Variants in PGM5 observed in about 807,000 individuals in gnomAD.
PGM5 encodes the protein phosphoglucomutase 5.
Under a neutral mutation model 59.2 loss-of-function variants are expected in PGM5, and 23 were observed. That is an observed-to-expected ratio of 0.39 (90% CI 0.28 to 0.55). The LOEUF (loss-of-function observed/expected upper bound fraction) is 0.55, where lower values mean the gene tolerates loss of function less well. Among genes scored for constraint, PGM5 ranks in the 20% least tolerant of loss-of-function variants. The probability of loss-of-function intolerance (pLI) is 0.66; values close to 1 mark genes in which losing one functional copy is unlikely to be tolerated. For missense variants in PGM5, 574 were observed against 748.3 expected (o/e 0.77, Z 2.72); for synonymous variants, 214 against 286.0 (o/e 0.75, Z 2.54).
chr9:68,486,227 T>G (rs1339564198), intron 9 of PGM5, among the ~76,000 whole-genome samples: 1 of 152,236 alleles, frequency 6.6e-6, no homozygotes, highest in African/African-American at 2.4e-5. Flanking sequence ...ATAATTTGTT[T>G]TTTTTCATGG....
intron 6 of PGM5, chr9:68,396,419 G>A (rs1822504126): frequency 6.6e-6 from 1 of 152,142 alleles, no homozygotes; most frequent in South Asian, 2.1e-4. Context: ...TCCAAACCAT[G>A]GCTAGGGGAG....
At chr9:68,488,657 G>A (rs191737831) in intron 9 of PGM5, among the ~76,000 whole-genome samples, 75 of 152,220 alleles carry the variant, frequency 4.9e-4, no homozygotes, top group Middle Eastern at 3.4e-3. Flanking sequence ...GTGTGACCTC[G>A]GATGCCAAGA....
intron 6 of PGM5, among the ~76,000 whole-genome samples, chr9:68,447,302 G>A (rs1443289194): frequency 6.6e-6 from 1 of 152,152 alleles, no homozygotes; most frequent in African/African-American, 2.4e-5. Context: ...ACTTGTACTT[G>A]CCTCCCTGTT....
intron 4 of PGM5, among the ~76,000 whole-genome samples, 179 bp from the exon 5 acceptor site, chr9:68,391,355 G>A (rs1456010135): frequency 6.6e-6 from 1 of 151,894 alleles, no homozygotes; most frequent in East Asian, 1.9e-4. Flanking sequence ...CTGGCACATA[G>A]TAGATGCTCA....
chr9:68,383,160 A>G (rs1554678490), intron 2 of PGM5, among the ~76,000 whole-genome samples: 1 of 151,812 alleles, frequency 6.6e-6, no homozygotes, highest in African/African-American at 2.4e-5. Flanking sequence ...CACTTACTAG[A>G]ATAGGACTAT....
At chr9:68,383,385 A>C (rs1234855401) in intron 2 of PGM5, among the ~76,000 whole-genome samples, 8 of 151,796 alleles carry the variant, frequency 5.3e-5, no homozygotes, top group African/African-American at 1.9e-4. Context: ...CAATATAAAA[A>C]TTATTAATGC....
At chr9:68,459,378 C>T (rs782158636) in intron 6 of PGM5, among the ~76,000 whole-genome samples, 13 of 152,198 alleles carry the variant, frequency 8.5e-5, no homozygotes, top group Non-Finnish European at 4.4e-5. Context: ...CCTCCTGAGA[C>T]GTAACCACTA....
intron 6 of PGM5, among the ~76,000 whole-genome samples, chr9:68,432,480 C>T (rs996774939): frequency 9.2e-5 from 14 of 151,566 alleles, no homozygotes; most frequent in African/African-American, 1.9e-4. Flanking sequence ...AGATTACAGG[C>T]GTGAGCCATT....
chr9:68,412,065 A>G (rs1270154123), intron 6 of PGM5, among the ~76,000 whole-genome samples: 2 of 149,248 alleles, frequency 1.3e-5, no homozygotes, highest in Non-Finnish European at 3.0e-5. Context: ...CAGGCTCTCT[A>G]ACACCATACA....
intron 6 of PGM5, among the ~76,000 whole-genome samples, chr9:68,462,528 G>A (rs934358298): frequency 2.0e-5 from 3 of 152,036 alleles, no homozygotes; most frequent in Non-Finnish European, 4.4e-5. Context: ...AAAAGTATCC[G>A]GTCCTTTAAA....
chr9:68,458,976 G>C (rs1301450667), intron 6 of PGM5, among the ~76,000 whole-genome samples: 1 of 152,168 alleles, frequency 6.6e-6, no homozygotes, highest in African/African-American at 2.4e-5. Context: ...AGCCAGCAGT[G>C]CTAGACATCA....
chr9:68,529,939 A>G lies in PGM5; in HGVS notation c.*283A>G. On this transcript the variant is annotated 3_prime_UTR_variant, in exon 11 of 11. Transcript: ENST00000396396. ...AAAGGAACCTCCCCTTTTGACAACA[A>G]CTGGGCTAGGCAGCTGTTAATCACA... 3.6e-6 allele frequency: 1 copy of G among 278,334 alleles called. No homozygotes were observed. Among genetic ancestry groups the G allele is most frequent in the South Asian group, 4.9e-5 (1 of 20,506 alleles). 17.2% of individuals were successfully genotyped at this position (278,334 alleles called of 1,614,324 possible).
chr9:68,406,547 T>A (rs2132034309), intron 6 of PGM5: 1 of 149,882 alleles, frequency 6.7e-6, no homozygotes, highest in East Asian at 2.0e-4. Context: ...AATCCCTTCT[T>A]AAAGCCCCCA....
chr9:68,441,022 A>C (rs1425970005), intron 6 of PGM5, among the ~76,000 whole-genome samples: 4 of 152,142 alleles, frequency 2.6e-5, no homozygotes, highest in African/African-American at 9.6e-5. Flanking sequence ...AGGACACTAC[A>C]GACAACTCTT....
chr9:68,434,332 A>AG (rs1823409342), intron 6 of PGM5, among the ~76,000 whole-genome samples: 1 of 136,070 alleles, frequency 7.3e-6, no homozygotes, highest in African/African-American at 3.4e-5. Context: ...AAAAAAAAAA[A>AG]AAAAAAAGAA....
In PGM5 at chr9:68,369,798, G is replaced by A. The variant is rs142144257; in HGVS notation, c.262-8401G>A. On this transcript the variant is annotated intron_variant, in intron 1 of 10. Transcript: ENST00000396396. ...GTAAAGACTTCCAGAGGTACAGGAC[G>A]TTGAGGATGAGCTCTCTTACTTCCA... Among the ~76,000 whole-genome samples, 537 of 152,106 alleles carry A rather than the reference G, an allele frequency of 3.5e-3. 4 individuals are homozygous for A. Among genetic ancestry groups the A allele is most frequent in the African/African-American group, 0.01 (430 of 41,538 alleles).
chr9:68,458,385 G>A (rs114876257), intron 6 of PGM5, among the ~76,000 whole-genome samples: 1,676 of 152,264 alleles, frequency 0.011, 29 homozygotes, highest in African/African-American at 0.038. Flanking sequence ...CCATGGGGTT[G>A]GGGTCCACCT....
chr9:68,387,082 C>T (rs2132004787), intron 3 of PGM5, among the ~76,000 whole-genome samples: 1 of 151,972 alleles, frequency 6.6e-6, no homozygotes, highest in Admixed American at 6.6e-5. Context: ...ACAAGAAAGG[C>T]AACTGGATAT....
At chr9:68,516,723 G>A (rs1824830077) in intron 10 of PGM5, among the ~76,000 whole-genome samples, 1 of 152,184 alleles carries the variant, frequency 6.6e-6, no homozygotes, top group Non-Finnish European at 1.5e-5. Flanking sequence ...CCTTGCCAAA[G>A]TGGGCCTGGG....
Sources: allele counts gnomAD v4.1 joint callset (sites outside exome capture counted in the v4.1 genomes callset), GRCh38; gene constraint gnomAD v4.1.1; transcripts MANE v1.5; gene names NCBI Gene and HGNC (gene_info 2026-07-23, HGNC 2026-07-21).